Variants in TES observed in about 807,000 individuals in gnomAD.
TES encodes the protein testin LIM domain protein, also known as testin.
Under a neutral mutation model 48.2 loss-of-function variants are expected in TES, and 41 were observed. That is an observed-to-expected ratio of 0.85 (90% confidence interval 0.66 to 1.10). The LOEUF (loss-of-function observed/expected upper bound fraction) is 1.10. Among genes scored for constraint, TES ranks in the 50% least tolerant of loss-of-function variants. The probability of loss-of-function intolerance (pLI) is 0.00; values close to 1 mark genes in which losing one functional copy is unlikely to be tolerated. For missense variants in TES, 463 were observed against 515.1 expected (o/e 0.90, Z 0.98); for synonymous variants, 162 against 174.9 (o/e 0.93, Z 0.58).
chr7:116,250,133 A>G (rs73222310), intron 3 of TES, 28 bp from the exon 4 acceptor site: 291,094 of 1,489,952 alleles, frequency 0.2, 29,173 homozygotes, highest in Middle Eastern at 0.24. Context: ...GGCCAATCCC[A>G]GTTAACATTG....
At chr7:116,240,759 C>T (rs1009670715) in intron 2 of TES, among the ~76,000 whole-genome samples, 6 of 152,114 alleles carry the variant, frequency 3.9e-5, no homozygotes, top group African/African-American at 9.7e-5. Context: ...CTCAATAGGA[C>T]AGTTTAGAAA....
At chr7:116,256,423 A>G (rs1166423067) in intron 6 of TES, among the ~76,000 whole-genome samples, 2 of 152,238 alleles carry the variant, frequency 1.3e-5, no homozygotes. Flanking sequence ...TGAAATATTT[A>G]AAACAAAAAC....
intron 1 of TES, among the ~76,000 whole-genome samples, chr7:116,232,962 G>A (rs970000391): frequency 6.6e-6 from 1 of 152,126 alleles, no homozygotes; most frequent in Non-Finnish European, 1.5e-5. Context: ...AAAAGGATGT[G>A]GTCATTTTCT....
chr7:116,237,624 G>C (rs1799789235), intron 2 of TES, among the ~76,000 whole-genome samples: 1 of 152,160 alleles, frequency 6.6e-6, no homozygotes, highest in Non-Finnish European at 1.5e-5. Context: ...AAATACCTCT[G>C]AGAAGTCTTC....
chr7:116,239,485 A>T (rs1584621513), intron 2 of TES, among the ~76,000 whole-genome samples: 1 of 152,366 alleles, frequency 6.6e-6, no homozygotes, highest in South Asian at 2.1e-4. Context: ...GACGTAGGAA[A>T]GTTAAATAAC....
chr7:116,237,087 G>C (rs1323350169), intron 2 of TES, among the ~76,000 whole-genome samples: 1 of 152,170 alleles, frequency 6.6e-6, no homozygotes, highest in Non-Finnish European at 1.5e-5. Context: ...AGTCTTTGAA[G>C]TAAAATATTC....
intron 2 of TES, chr7:116,239,066 T>A (rs1236463164): frequency 6.6e-6 from 1 of 152,250 alleles, no homozygotes; most frequent in Admixed American, 6.5e-5. Context: ...GTTGGTAGAA[T>A]CTATTTTCTG....
chr7:116,220,730 C>G (rs556914666), intron 1 of TES, among the ~76,000 whole-genome samples: 112 of 152,192 alleles, frequency 7.4e-4, no homozygotes, highest in Non-Finnish European at 6.6e-4. Flanking sequence ...AGCTTTAGAA[C>G]CCTGGGTTCA....
intron 2 of TES, among the ~76,000 whole-genome samples, chr7:116,245,301 A>C (rs1366825732): frequency 6.6e-6 from 1 of 152,058 alleles, no homozygotes; most frequent in Non-Finnish European, 1.5e-5. Context: ...CTTCCACCAG[A>C]CAACCTAAAT....
chr7:116,258,644 C>G lies in TES; in HGVS notation c.*1162C>G, dbSNP rs925649856. 4.6e-5 allele frequency: 7 copies of G among 152,558 alleles called. No homozygotes were observed. The highest frequency in any genetic ancestry group is 7.3e-5 in the Non-Finnish European group (5 of 68,034). 9.5% of individuals were successfully genotyped at this position (152,558 alleles called of 1,614,324 possible). ...GCCTGTCCATGGATATATCAAATGT[C>G]TTCACTTGTATATTTTCATGGCTAG... On this transcript the variant is annotated 3_prime_UTR_variant, in exon 7 of 7. Coordinates refer to ENST00000358204, the MANE Select transcript of TES (RefSeq NM_015641.4).
chr7:116,242,529 CTCTCTCTCTG>C (rs373008178), intron 2 of TES, among the ~76,000 whole-genome samples: 19,247 of 105,190 alleles, frequency 0.18, 1,187 homozygotes, highest in East Asian at 0.29. Flanking sequence ...CTCTCTCTCT[CTCTCTCTCTG>C]TCTCTGTCTC....
chr7:116,224,325 G>C (rs1377003335), intron 1 of TES, among the ~76,000 whole-genome samples: 1 of 152,130 alleles, frequency 6.6e-6, no homozygotes, highest in Non-Finnish European at 1.5e-5. Flanking sequence ...AGTTTGCAGC[G>C]AATACAGAGG....
intron 1 of TES, among the ~76,000 whole-genome samples, chr7:116,227,761 G>A (rs892009237): frequency 3.9e-5 from 6 of 152,046 alleles, no homozygotes; most frequent in Non-Finnish European, 5.9e-5. Context: ...CTGAGAAAGC[G>A]GGAGTGGGAG....
rs373817926 is a variant in TES at position 116,228,746 on chromosome 7, A to G, written c.28-5788A>G. On this transcript the variant is annotated intron_variant, in intron 1 of 6. Coordinates refer to ENST00000358204, the MANE Select transcript of TES (RefSeq NM_015641.4). ...TTAGTGATTAAACTTTGAGCAGATG[A>G]CCATGCTGAATAATAACCAAACTAA... 7.2e-5 allele frequency among the ~76,000 whole-genome samples: 11 copies of G among 152,144 alleles called. No homozygotes were observed. In the East Asian group the frequency reaches 1.9e-3, roughly 27 times the overall value.
chr7:116,252,339 A>G lies in TES; in HGVS notation c.940A>G (p.Thr314Ala). The change falls in exon 6 of 7, where the codon ACC becomes GCC. Residue 314 changes from threonine (T) to alanine (A), a missense_variant. Thr to Ala is a moderately conservative substitution (Grantham distance 58). Coordinates refer to ENST00000358204, the MANE Select transcript of TES (RefSeq NM_015641.4). ...CDELIFSNEY[T>A]QAENQNWHLK... Reference sequence around the variant, plus strand: ...CTAGCTGATATTCAGCAATGAGTATACCCAGGCAGAAAACCAGAATTGGCA... The same window carrying G: ...CTAGCTGATATTCAGCAATGAGTATGCCCAGGCAGAAAACCAGAATTGGCA... 1 of 1,613,490 alleles carries G rather than the reference A, an allele frequency of 6.2e-7. No homozygotes were observed. The highest frequency in any genetic ancestry group is 8.5e-7 in the Non-Finnish European group (1 of 1,179,410).
At chr7:116,254,756 A>ATGTGTGTGTGTG (rs528007110) in intron 6 of TES, among the ~76,000 whole-genome samples, 5 of 143,170 alleles carry the variant, frequency 3.5e-5, no homozygotes, top group African/African-American at 7.8e-5. Flanking sequence ...AAATATATAT[A>ATGTGTGTGTGTG]TATGTGTGTG....
chr7:116,243,518 T>G (rs1799877243), intron 2 of TES, among the ~76,000 whole-genome samples: 1 of 152,134 alleles, frequency 6.6e-6, no homozygotes, highest in Non-Finnish European at 1.5e-5. Flanking sequence ...ACCACCAAAT[T>G]TATATTTCCT....
intron 1 of TES, among the ~76,000 whole-genome samples, chr7:116,226,701 TGA>T (rs2116583904): frequency 6.6e-6 from 1 of 152,184 alleles, no homozygotes; most frequent in East Asian, 1.9e-4. Flanking sequence ...TGATATGATG[TGA>T]GTTTGAACAT....
At chr7:116,248,702 C>T (rs1005336323) in intron 2 of TES, among the ~76,000 whole-genome samples, 3 of 152,028 alleles carry the variant, frequency 2.0e-5, no homozygotes, top group African/African-American at 7.2e-5. Flanking sequence ...GCAGGATTTG[C>T]AAATATTTTC....
Sources: gnomAD v4.1 joint callset for allele counts (sites outside exome capture counted in the v4.1 genomes callset) on GRCh38, gnomAD v4.1.1 for gene constraint, MANE v1.5 for transcripts, NCBI Gene and HGNC (gene_info 2026-07-23, HGNC 2026-07-21) for gene names.